ZNF704: variants seen among roughly 807,000 people sequenced by gnomAD.
The protein encoded by ZNF704 is zinc finger protein 704.
ZNF704 carries 10 observed loss-of-function variants against 44.7 expected under a neutral mutation model. The ratio of observed to expected loss-of-function variants is 0.22; its 90% confidence interval spans 0.14 to 0.38. The LOEUF (loss-of-function observed/expected upper bound fraction) is 0.38, where lower values mean the gene tolerates loss of function less well. Ranked by LOEUF, ZNF704 falls within the 10% of genes least tolerant of loss-of-function variation. The pLI, the probability that ZNF704 is intolerant of heterozygous loss-of-function variation, is 1.00. For synonymous variants in ZNF704, 211 were observed against 207.6 expected, an observed-to-expected ratio of 1.02 and a Z score of -0.14; for missense variants, 390 against 545.5, an observed-to-expected ratio of 0.71 and a Z score of 2.84.
intron 1 of ZNF704, among the ~76,000 whole-genome samples, chr8:80,821,830 C>T (rs1808276460): frequency 6.6e-6 from 1 of 152,046 alleles, no homozygotes; most frequent in African/African-American, 2.4e-5. Flanking sequence ...AGAAACATCA[C>T]AAACACACAA....
intron 2 of ZNF704, among the ~76,000 whole-genome samples, chr8:80,784,728 A>G (rs1242180582): frequency 2.0e-5 from 3 of 152,196 alleles, no homozygotes; most frequent in African/African-American, 7.2e-5. Context: ...TTTGCAGAGC[A>G]GAAGTTTTTA....
chr8:80,707,061 A>G (rs1818910319), intron 2 of ZNF704, among the ~76,000 whole-genome samples: 1 of 152,216 alleles, frequency 6.6e-6, no homozygotes, highest in Non-Finnish European at 1.5e-5. Context: ...ACACTATTTT[A>G]AACTGCCACT....
At chr8:80,840,615 C>T (rs191091032) in intron 1 of ZNF704, among the ~76,000 whole-genome samples, 1 of 152,128 alleles carries the variant, frequency 6.6e-6, no homozygotes, top group African/African-American at 2.4e-5. Flanking sequence ...TCAACTATTG[C>T]TCCTCTGCTC....
chr8:80,841,434 C>T (rs972004381), intron 1 of ZNF704, among the ~76,000 whole-genome samples: 1 of 152,136 alleles, frequency 6.6e-6, no homozygotes, highest in Non-Finnish European at 1.5e-5. Flanking sequence ...CTGTCTGCTA[C>T]CCCCAACACA....
chr8:80,755,372 T>C (rs200294986), intron 2 of ZNF704, among the ~76,000 whole-genome samples: 1 of 152,130 alleles, frequency 6.6e-6, no homozygotes, highest in Admixed American at 6.5e-5. Flanking sequence ...GGAGAATTGC[T>C]TGAGCCTGGG....
At chr8:80,719,147 T>A (rs7817889) in intron 2 of ZNF704, among the ~76,000 whole-genome samples, 24,830 of 152,006 alleles carry the variant, frequency 0.16, 4,021 homozygotes, top group African/African-American at 0.42. Flanking sequence ...TTAAATTTTT[T>A]AATTTTTTTG....
intron 2 of ZNF704, among the ~76,000 whole-genome samples, chr8:80,782,805 G>A (rs1319809637): frequency 6.6e-6 from 1 of 152,060 alleles, no homozygotes; most frequent in African/African-American, 2.4e-5. Context: ...CACCCTCAAG[G>A]ATACCAAAAT....
intron 2 of ZNF704, among the ~76,000 whole-genome samples, chr8:80,740,473 C>T (rs963268692): frequency 2.6e-5 from 4 of 152,128 alleles, no homozygotes; most frequent in African/African-American, 9.7e-5. Context: ...TGTTAAGGAC[C>T]TAAAAGCCCA....
At chr8:80,653,424 A>T (rs374683685) in intron 7 of ZNF704, among the ~76,000 whole-genome samples, 3 of 152,222 alleles carry the variant, frequency 2.0e-5, no homozygotes, top group African/African-American at 7.2e-5. Context: ...AAAACCCCAT[A>T]GTCTCAGCCC....
Position 80,665,134 on chromosome 8 carries a change from C to G in ZNF704, c.660-52G>C, listed in dbSNP as rs148624808. On this transcript the variant is annotated intron_variant, in intron 5 of 8. Coordinates refer to ENST00000327835, the MANE Select transcript of ZNF704 (RefSeq NM_001033723.3). The stretch of plus-strand genomic sequence containing the variant: ...ATACTAAGCCAATCTGTTTTCTTGC[C>G]TTGAAATCTTGCACATGCATTTCCC... The G allele has an allele frequency of 5.9e-4, 939 of 1,587,838 alleles. 6 individuals carry two copies. The East Asian group carries it at 0.013, about 22-fold the overall frequency.
chr8:80,808,293 T>C (rs533590962), intron 2 of ZNF704, among the ~76,000 whole-genome samples: 3 of 152,122 alleles, frequency 2.0e-5, no homozygotes, highest in Non-Finnish European at 4.4e-5. Flanking sequence ...TTTTTTTCAG[T>C]TGTAGATCTT....
intron 4 of ZNF704, chr8:80,673,200 A>G (rs1818309916): frequency 6.6e-6 from 1 of 152,218 alleles, no homozygotes; most frequent in South Asian, 2.1e-4. Flanking sequence ...GGTTGGTGAA[A>G]ATAAAGATAC....
At chr8:80,880,793 A>T in the ZNF704 span, among the ~76,000 whole-genome samples, 1 of 152,268 alleles carries the variant, frequency 6.6e-6, no homozygotes, top group African/African-American at 2.4e-5. Flanking sequence ...CACAAAAGAC[A>T]CCATTAAAAA....
chr8:80,660,266 T>G (rs1818078250), intron 6 of ZNF704, among the ~76,000 whole-genome samples: 1 of 151,400 alleles, frequency 6.6e-6, no homozygotes, highest in Non-Finnish European at 1.5e-5. Context: ...GAGCCCAGAG[T>G]TTGAGACCAG....
At chr8:80,788,771 G>C (rs1243371532) in intron 2 of ZNF704, among the ~76,000 whole-genome samples, 1 of 152,102 alleles carries the variant, frequency 6.6e-6, no homozygotes, top group African/African-American at 2.4e-5. Context: ...CTGAAGGGGG[G>C]AAAACAAATT....
At chr8:80,789,512 C>A (rs1014635945) in intron 2 of ZNF704, among the ~76,000 whole-genome samples, 14 of 152,062 alleles carry the variant, frequency 9.2e-5, no homozygotes, top group Non-Finnish European at 1.6e-4. Flanking sequence ...TTTGGGAGGC[C>A]ACAGAGGGAG....
At chr8:80,670,785 A>G (rs1818266111) in intron 4 of ZNF704, among the ~76,000 whole-genome samples, 182 bp from the exon 5 acceptor site, 1 of 152,098 alleles carries the variant, frequency 6.6e-6, no homozygotes, top group South Asian at 2.1e-4. Flanking sequence ...GACCTCAGTT[A>G]TTTCCTCATA....
intron 1 of ZNF704, among the ~76,000 whole-genome samples, chr8:80,822,162 G>A (rs1001269344): frequency 3.9e-5 from 6 of 152,006 alleles, no homozygotes; most frequent in Non-Finnish European, 7.4e-5. Flanking sequence ...GGGTAAATGT[G>A]CACAACGTGC....
chr8:80,808,098 G>A (rs1347191259), intron 2 of ZNF704, among the ~76,000 whole-genome samples: 2 of 152,124 alleles, frequency 1.3e-5, no homozygotes, highest in Admixed American at 1.3e-4. Context: ...GCACACATGG[G>A]GTAAGTCCAA....
Sources: allele counts gnomAD v4.1 joint callset (sites outside exome capture counted in the v4.1 genomes callset), GRCh38; gene constraint gnomAD v4.1.1; transcripts MANE v1.5; gene names NCBI Gene and HGNC (gene_info 2026-07-23, HGNC 2026-07-21).